The following TKFC variants were observed in gnomAD, a reference collection of about 807,000 sequenced individuals.
The protein encoded by TKFC is triokinase and FMN cyclase.
In TKFC, 46 loss-of-function variants were observed where a neutral mutation model predicts 61.0. That is an observed-to-expected ratio of 0.75 (90% confidence interval 0.60 to 0.96). The LOEUF (loss-of-function observed/expected upper bound fraction) is 0.96, where lower values mean the gene tolerates loss of function less well. Among genes scored for constraint, TKFC ranks in the 50% least tolerant of loss-of-function variants. The pLI is 0.00. For missense variants in TKFC, 715 were observed against 777.5 expected (o/e 0.92, Z 0.96); for synonymous variants, 314 against 330.1 (o/e 0.95, Z 0.53).
intron 10 of TKFC, chr11:61,343,131 A>G (rs1856946307): frequency 1.6e-6 from 1 of 612,036 alleles, no homozygotes; most frequent in African/African-American, 1.9e-5. Flanking sequence ...TGAGTAAATG[A>G]GACCTGTAAT....
At chr11:61,339,627 C>T (rs1200664738) in intron 5 of TKFC, 192 bp downstream of exon 5, 2 of 642,650 alleles carry the variant, frequency 3.1e-6, no homozygotes, top group Admixed American at 3.2e-5. Flanking sequence ...TTCCCAGACT[C>T]GTCCCCTTTT....
Position 61,346,044 on chromosome 11 carries a change from C to T in TKFC, c.1575+98C>T, listed in dbSNP as rs1020587522. 13 of 1,316,932 alleles carry T rather than the reference C, an allele frequency of 9.9e-6. No individual in the cohort carries two copies. The highest frequency in any genetic ancestry group is 5.8e-5 in the African/African-American group (4 of 68,522). 81.6% of individuals were successfully genotyped at this position (1,316,932 alleles called of 1,614,324 possible). ...TGAGCAAGTTAATAACCTTCCTGGA[C>T]CGCAGTTTCCTTCTCTGTACAATGG... is the stretch of plus-strand genomic sequence containing the variant. On this transcript the variant is annotated intron_variant, in intron 17 of 17. Coordinates refer to ENST00000394900, the MANE Select transcript of TKFC (RefSeq NM_015533.4). This position sits in a 1 kb window ranked among gnomAD's most constrained non-coding sequence, Gnocchi z 4.1.
Position 61,345,331 on chromosome 11 carries a change from C to G in TKFC, c.1312C>G (p.Leu438Val), listed in dbSNP as rs1480318538. 6.2e-7 allele frequency: 1 copy of G among 1,604,978 alleles called. No individual in the cohort carries two copies. The highest frequency in any genetic ancestry group is 2.2e-5 in the East Asian group (1 of 44,664). The stretch of plus-strand genomic sequence containing the variant: ...CCAGCTGCTCTCCAAGTTGTCTGTC[C>G]TGCTCCTGGAGAAGATGGGAGGCTC... Reference protein sequence around the residue: ...PAQLLSKLSVLLLEKMGGSSG... With the variant: ...PAQLLSKLSVVLLEKMGGSSG... Residue 438 changes from leucine (L) to valine (V), a missense_variant, in exon 14 of 18, where the codon CTG (leucine) becomes GTG (valine). Coordinates refer to ENST00000394900, the MANE Select transcript of TKFC (RefSeq NM_015533.4).
Position 61,348,540 on chromosome 11 carries a change from CA to C in TKFC, c.*2038del. 1.0e-6 allele frequency: 1 copy of C among 975,442 alleles called. No homozygotes were observed. Among genetic ancestry groups the C allele is most frequent in the Non-Finnish European group, 1.2e-6 (1 of 820,848 alleles). The allele number at this position is 975,442 out of a possible 1,614,324, so 60.4% of individuals were successfully genotyped here. ...ATTCCTGTGTTGAAAGGCTCACCCC[CA>C]CTATGGTAGTGTTAGGACGTGGGGC... On this transcript the variant is annotated 3_prime_UTR_variant, in exon 18 of 18. Transcript: ENST00000394900.
Position 61,345,255 on chromosome 11 carries a change from T to C in TKFC, c.1241-5T>C. 6.5e-7 allele frequency: 1 copy of C among 1,541,582 alleles called. No individual in the cohort carries two copies. The highest frequency in any genetic ancestry group is 8.8e-7 in the Non-Finnish European group (1 of 1,142,256). On this transcript the variant is annotated splice_polypyrimidine_tract_variant and splice_region_variant and intron_variant, in intron 13 of 17. Coordinates refer to ENST00000394900, the MANE Select transcript of TKFC (RefSeq NM_015533.4). Reference sequence around the variant, plus strand: ...GAATTCCTCCCCATCTCTCTCTGCCTGCAGCAATCCAGGAGTGGCTGAAGG... The same window carrying C: ...GAATTCCTCCCCATCTCTCTCTGCCCGCAGCAATCCAGGAGTGGCTGAAGG...
Position 61,346,674 on chromosome 11 carries a change from C to G in TKFC, c.*171C>G. 2 of 1,425,766 alleles carry G rather than the reference C, an allele frequency of 1.4e-6. No individual in the cohort carries two copies. Among genetic ancestry groups the G allele is most frequent in the South Asian group, 3.1e-5 (2 of 65,364 alleles). 88.3% of individuals were successfully genotyped at this position (1,425,766 alleles called of 1,614,324 possible). A position where few individuals can be genotyped will look rare whatever the true frequency, so the allele number is the denominator to read the frequency against. The stretch of plus-strand genomic sequence containing the variant: ...CAAGCTTCCAGAACTACAGACAGCA[C>G]CCAGAGTGAGCTGGAGTGGGTCCCC... On this transcript the variant is annotated 3_prime_UTR_variant, in exon 18 of 18. Coordinates refer to ENST00000394900, the MANE Select transcript of TKFC (RefSeq NM_015533.4). The surrounding 1 kb of genome is among the most constrained non-coding windows in gnomAD (Gnocchi z 4.1).
At position 61,348,482 on chromosome 11, in the gene TKFC, TTATTA is replaced by T. The variant is rs765994296; in HGVS notation, c.*1980_*1984del. ...ACAGCATCATTTCATTAGAGGGCTGTTATTAGAGACTGAATGTTTGTGTCCCCCCC... is the reference window on the plus strand; with the variant it reads ...ACAGCATCATTTCATTAGAGGGCTGTGAGACTGAATGTTTGTGTCCCCCCC... On this transcript the variant is annotated 3_prime_UTR_variant, in exon 18 of 18. Transcript: ENST00000394900. 4.1e-6 allele frequency: 4 copies of T among 985,458 alleles called. No homozygotes were observed. Among genetic ancestry groups the T allele is most frequent in the Non-Finnish European group, 4.8e-6 (4 of 829,992 alleles). The allele number at this position is 985,458 out of a possible 1,614,324, so 61.0% of individuals were successfully genotyped here.
downstream of TKFC, chr11:61,349,733 C>A: frequency 1.5e-6 from 1 of 680,334 alleles, no homozygotes. Context: ...AGCTCCTCAG[C>A]AGAAGCTGCG....
chr11:61,343,618 C>T, intron 11 of TKFC, 160 bp downstream of exon 11: 1 of 859,200 alleles, frequency 1.2e-6, no homozygotes, highest in Non-Finnish European at 1.8e-6. Flanking sequence ...CCAGCTCTCA[C>T]TGGACTAGAA....
At chr11:61,343,559 G>A in intron 11 of TKFC, 101 bp downstream of exon 11, 1 of 1,112,500 alleles carries the variant, frequency 9.0e-7, no homozygotes, top group Non-Finnish European at 1.3e-6. Flanking sequence ...TGACAATCAG[G>A]GCTCTGGAGC....
intron 3 of TKFC, 144 bp from the exon 4 acceptor site, chr11:61,338,922 C>A: frequency 1.5e-6 from 1 of 671,372 alleles, no homozygotes; most frequent in Non-Finnish European, 2.5e-6. Flanking sequence ...AAGAAGGAGT[C>A]AGCCATGTGA....
intron 12 of TKFC, 25 bp downstream of exon 12, chr11:61,344,000 G>A (rs774824680): frequency 9.3e-6 from 15 of 1,608,206 alleles, no homozygotes; most frequent in Non-Finnish European, 1.3e-5. Flanking sequence ...CTTTGGGGAA[G>A]GGACAGGCTT....
chr11:61,342,948 T>A (rs1590570951), intron 10 of TKFC, 104 bp downstream of exon 10: 1 of 1,184,088 alleles, frequency 8.4e-7, no homozygotes, highest in East Asian at 2.5e-5. Context: ...TAAGCCTGAG[T>A]TAAATCGTCT....
intron 14 of TKFC, 32 bp downstream of exon 14, chr11:61,345,398 G>A: frequency 1.3e-6 from 2 of 1,598,086 alleles, no homozygotes; most frequent in Non-Finnish European, 1.7e-6. Context: ...GGCTGACAGG[G>A]AGGTGGCTGG....
At chr11:61,349,749 C>T (rs1275737856), downstream of TKFC, 5 of 665,908 alleles carry the variant, frequency 7.5e-6, no homozygotes, top group East Asian at 1.1e-4. Flanking sequence ...CTGCGTGGGC[C>T]GCCACTCCCC....
At chr11:61,342,731 C>T (rs753477764) in intron 9 of TKFC, 24 bp from the exon 10 acceptor site, 30 of 1,613,864 alleles carry the variant, frequency 1.9e-5, no homozygotes, top group Middle Eastern at 1.6e-4. Context: ...AGGGTCTCAC[C>T]TGGGGTGTCA....
chr11:61,338,717 G>C (rs1182755642), intron 3 of TKFC, among the ~76,000 whole-genome samples: 2 of 152,150 alleles, frequency 1.3e-5, no homozygotes. Flanking sequence ...CCCTGCCCTC[G>C]TGGAGCTTAT....
In TKFC at chr11:61,346,736, G is replaced by C; in HGVS notation, c.*233G>C. On this transcript the variant is annotated 3_prime_UTR_variant, in exon 18 of 18. Coordinates refer to ENST00000394900, the MANE Select transcript of TKFC (RefSeq NM_015533.4). The surrounding 1 kb of genome is among the most constrained non-coding windows in gnomAD (Gnocchi z 4.1). ...GCATGCCCTTTCCCTTTGCAGGAGGGTGGAGTCCCTGGGTCATGCCCTCCC... is the reference window on the plus strand; with the variant it reads ...GCATGCCCTTTCCCTTTGCAGGAGGCTGGAGTCCCTGGGTCATGCCCTCCC... The C allele has an allele frequency of 7.6e-7, 1 of 1,309,386 alleles. No homozygotes were observed. The highest frequency in any genetic ancestry group is 9.7e-7 in the Non-Finnish European group (1 of 1,028,934). The allele number at this position is 1,309,386 out of a possible 1,614,324, so 81.1% of individuals were successfully genotyped here.
At chr11:61,349,726 T>C (rs892908105), downstream of TKFC, 348 of 684,664 alleles carry the variant, frequency 5.1e-4, 3 homozygotes, top group Non-Finnish European at 8.3e-5. Context: ...AGCGGTCAGC[T>C]CCTCAGCAGA....
Sources: gnomAD v4.1 joint callset for allele counts (sites outside exome capture counted in the v4.1 genomes callset) on GRCh38, gnomAD v4.1.1 for gene constraint, Gnocchi (gnomAD v3.1) non-coding constraint, MANE v1.5 for transcripts, NCBI Gene and HGNC (gene_info 2026-07-23, HGNC 2026-07-21) for gene names.